CFAP74: variants seen among roughly 807,000 people sequenced by gnomAD.
CFAP74 encodes the protein cilia- and flagella-associated protein 74.
CFAP74 carries 124 observed loss-of-function variants against 188.9 expected under a neutral mutation model. The observed-to-expected ratio is 0.66, with a 90% CI of 0.57 to 0.76. CFAP74 has a LOEUF of 0.76. Ranked by LOEUF, CFAP74 falls within the 30% of genes least tolerant of loss-of-function variation. The pLI is 0.00. For missense variants in CFAP74, 2,198 were observed against 2,165.2 expected (o/e 1.02, Z -0.30); for synonymous variants, 956 against 916.7 (o/e 1.04, Z -0.77).
intron 25 of CFAP74, among the ~76,000 whole-genome samples, chr1:1,936,427 C>T (rs1006721459): frequency 6.6e-6 from 1 of 151,694 alleles, no homozygotes. Context: ...ACCTATAGTC[C>T]CAGCTACTCG....
At chr1:1,940,981 C>T (rs989817757) in intron 22 of CFAP74, among the ~76,000 whole-genome samples, 7 of 152,096 alleles carry the variant, frequency 4.6e-5, no homozygotes, top group Admixed American at 2.6e-4. Flanking sequence ...GGCGTGGTGG[C>T]GGGCGCCTGT....
intron 6 of CFAP74, among the ~76,000 whole-genome samples, chr1:1,976,220 G>T (rs888668891): frequency 6.6e-6 from 1 of 152,196 alleles, no homozygotes. Flanking sequence ...GTTTGGACGC[G>T]TGTCCCCCGC....
At position 1,974,199 on chromosome 1, in the gene CFAP74, C is replaced by T. The variant is rs1656287729; in HGVS notation, c.501-1G>A. 6.3e-7 allele frequency: 1 copy of T among 1,588,952 alleles called. No individual in the cohort carries two copies. The highest frequency in any genetic ancestry group is 1.3e-5 in the African/African-American group (1 of 74,224). Reference sequence around the variant, plus strand: ...GATCTCGATGTGCCACATGGTGTTCCTTCAAACAAGAGGCAAAGCAGCTGG... The same window carrying T: ...GATCTCGATGTGCCACATGGTGTTCTTTCAAACAAGAGGCAAAGCAGCTGG... On this transcript the variant is annotated splice_acceptor_variant, in intron 6 of 38. Coordinates refer to ENST00000682832, the MANE Select transcript of CFAP74 (RefSeq NM_001304360.2). LOFTEE classifies it high-confidence loss of function.
At position 1,968,954 on chromosome 1, in the gene CFAP74, A is replaced by G. The variant is rs1315475884; in HGVS notation, c.1047-121T>C. The G allele has an allele frequency of 6.0e-6, 3 of 499,428 alleles. No homozygotes were observed. In the Admixed American group the frequency reaches 1.2e-4, roughly 19 times the overall value. 30.9% of individuals were successfully genotyped at this position (499,428 alleles called of 1,614,324 possible). On this transcript the variant is annotated intron_variant, in intron 10 of 38. Transcript: ENST00000682832. The surrounding 1 kb of genome is among the most constrained non-coding windows in gnomAD (Gnocchi z 4.3). ...CCTGGGGGCTCCGGTCCTGCCCAGC[A>G]GCCCCAGGTGAGACAGCGCCTGGCG...
intron 14 of CFAP74, 59 bp from the exon 15 acceptor site, chr1:1,960,089 T>C: frequency 6.9e-7 from 1 of 1,450,278 alleles, no homozygotes; most frequent in Non-Finnish European, 9.5e-7. Flanking sequence ...GACGCTCGCC[T>C]CACCACCCAG....
chr1:1,938,716 C>A (rs945750097), intron 25 of CFAP74, 139 bp downstream of exon 25: 13 of 999,670 alleles, frequency 1.3e-5, no homozygotes, highest in Admixed American at 2.8e-5. Context: ...TCCTGCTGGC[C>A]GGCAGTGCTG....
intron 1 of CFAP74, among the ~76,000 whole-genome samples, chr1:2,001,395 G>T (rs1374734997): frequency 6.6e-6 from 1 of 151,698 alleles, no homozygotes; most frequent in Non-Finnish European, 1.5e-5. Context: ...AGTGGCGCAG[G>T]GTCGGCTCAC....
chr1:1,987,783 A>C (rs1316856352), intron 4 of CFAP74, among the ~76,000 whole-genome samples: 4 of 151,936 alleles, frequency 2.6e-5, no homozygotes, highest in Non-Finnish European at 5.9e-5. Flanking sequence ...CTCGTGATCC[A>C]CCCACCTTGG....
chr1:1,993,566 G>A (rs539492642), intron 1 of CFAP74, among the ~76,000 whole-genome samples: 17 of 151,842 alleles, frequency 1.1e-4, no homozygotes, highest in African/African-American at 1.9e-4. Flanking sequence ...AACTAGAGGC[G>A]TGAGCCACCG....
intron 22 of CFAP74, among the ~76,000 whole-genome samples, chr1:1,941,733 A>G (rs1653390960): frequency 6.6e-6 from 1 of 152,204 alleles, no homozygotes; most frequent in Admixed American, 6.5e-5. Flanking sequence ...CCGGCCATGC[A>G]TGGGAGACAC....
intron 18 of CFAP74, among the ~76,000 whole-genome samples, chr1:1,952,993 A>G (rs1294837024): frequency 6.6e-6 from 1 of 152,086 alleles, no homozygotes; most frequent in African/African-American, 2.4e-5. Context: ...CCCCAAATTG[A>G]TCTATAGATT....
chr1:1,932,680 G>A (rs1384705640), intron 25 of CFAP74, among the ~76,000 whole-genome samples: 6 of 144,940 alleles, frequency 4.1e-5, no homozygotes, highest in Non-Finnish European at 6.0e-5. Flanking sequence ...TGCAACCTCC[G>A]CCTCCCGGGT....
At chr1:1,941,029 C>T (rs767630815) in intron 22 of CFAP74, among the ~76,000 whole-genome samples, 1 of 152,074 alleles carries the variant, frequency 6.6e-6, no homozygotes, top group Non-Finnish European at 1.5e-5. Context: ...AGGAGAATGG[C>T]GTGAACCCGG....
intron 25 of CFAP74, among the ~76,000 whole-genome samples, chr1:1,934,192 G>C (rs950018875): frequency 2.0e-5 from 3 of 152,240 alleles, no homozygotes; most frequent in Non-Finnish European, 4.4e-5. Flanking sequence ...CTACATCTGT[G>C]CAAGTGTAGA....
rs748292869 is a variant in CFAP74 at position 1,946,341 on chromosome 1, C to T, written c.2340G>A (p.Thr780=). The change falls in exon 20 of 39, where the codon ACG becomes ACA. Residue 780 remains threonine (T), a synonymous_variant. Coordinates refer to ENST00000682832, the MANE Select transcript of CFAP74 (RefSeq NM_001304360.2). ...CCGTGGGGCACTGGGGGTTCTTAAA[C>T]GTGACTTTGAACCTGGCTTGGACGT... The part of the protein sequence containing the change: ...PGDVQARFKV[T]FKNPQCPTLH... The T allele has an allele frequency of 2.5e-5, 38 of 1,536,432 alleles. No homozygotes were observed. Among genetic ancestry groups the T allele is most frequent in the East Asian group, 4.9e-5 (2 of 40,934 alleles).
chr1:1,990,284 G>T (rs527924801), intron 2 of CFAP74, among the ~76,000 whole-genome samples: 13 of 151,862 alleles, frequency 8.6e-5, no homozygotes, highest in African/African-American at 2.9e-4. Flanking sequence ...GGCAAAACAC[G>T]GCAAAGGGAA....
chr1:2,001,186 G>C (rs1349977328), intron 1 of CFAP74, among the ~76,000 whole-genome samples: 1 of 152,208 alleles, frequency 6.6e-6, no homozygotes, highest in Non-Finnish European at 1.5e-5. Context: ...GTGTGGTCCA[G>C]CAGAGGGTAT....
chr1:1,987,669 G>A (rs1657324675), intron 4 of CFAP74, among the ~76,000 whole-genome samples: 1 of 152,090 alleles, frequency 6.6e-6, no homozygotes, highest in African/African-American at 2.4e-5. Context: ...AGCCTCCCAA[G>A]TGGCTGGGAC....
In CFAP74 at chr1:1,988,915, C is replaced by T; in HGVS notation, c.126G>A (p.Glu42=). The T allele has an allele frequency of 6.4e-7, 1 of 1,562,570 alleles. No homozygotes were observed. The highest frequency in any genetic ancestry group is 8.7e-7 in the Non-Finnish European group (1 of 1,152,064). The change falls in exon 3 of 39, where the codon GAG becomes GAA. Residue 42 remains glutamate (E), a synonymous_variant. Transcript: ENST00000682832. ...FDIKCLLQEA[E]DDVDPGHSSS... is the part of the protein sequence containing the mutation. ...TGCTGTGTCCCGGGTCCACGTCATC[C>T]TCAGCTTCCTGTAGAAGACATTTGA...
Sources: allele counts gnomAD v4.1 joint callset (sites outside exome capture counted in the v4.1 genomes callset), GRCh38; gene constraint gnomAD v4.1.1; non-coding constraint Gnocchi (gnomAD v3.1); transcripts MANE v1.5; gene names NCBI Gene and HGNC (gene_info 2026-07-23, HGNC 2026-07-21).